PAPLN: variants seen among roughly 807,000 people sequenced by gnomAD.
PAPLN encodes papilin.
PAPLN carries 146 observed loss-of-function variants against 159.0 expected under a neutral mutation model. The observed-to-expected ratio is 0.92, with a 90% CI of 0.80 to 1.05. The LOEUF (loss-of-function observed/expected upper bound fraction) is 1.05. Ranked by LOEUF, PAPLN falls within the 50% of genes least tolerant of loss-of-function variation. The pLI is 0.00. For missense variants in PAPLN, 1,720 were observed against 1,743.9 expected, an observed-to-expected ratio of 0.99 and a Z score of 0.24; for synonymous variants, 734 against 702.9, an observed-to-expected ratio of 1.04 and a Z score of -0.70.
chr14:73,251,563 C>A lies in PAPLN; in HGVS notation c.667C>A (p.Leu223Met). 1 of 1,613,014 alleles carries A rather than the reference C, an allele frequency of 6.2e-7. No individual in the cohort carries two copies. Among genetic ancestry groups the A allele is most frequent in the South Asian group, 1.1e-5 (1 of 91,086 alleles). Residue 223 changes from leucine (L) to methionine (M), a missense_variant, in exon 8 of 27, where the codon CTG becomes ATG. Physicochemically the swap from Leu to Met is conservative, Grantham distance 15. Transcript: ENST00000644200. ...IDEAAASRNF[L>M]AVKNVRGEYY... ...CGAGGCTGCTGCCAGCAGGAACTTC[C>A]TGGGTGAGAGCCTAGGGTTAGGTCC...
intron 15 of PAPLN, 52 bp downstream of exon 15, chr14:73,259,111 A>G: frequency 6.4e-7 from 1 of 1,571,076 alleles, no homozygotes; most frequent in South Asian, 1.2e-5. Flanking sequence ...TTTGTGTCTG[A>G]GTGGATGGTA....
At chr14:73,242,850 G>A (rs540856235) in intron 2 of PAPLN, 3 of 152,346 alleles carry the variant, frequency 2.0e-5, no homozygotes, top group African/African-American at 7.2e-5. Context: ...TGCGTGGTTT[G>A]TTCTGCTTCA....
intron 5 of PAPLN, among the ~76,000 whole-genome samples, chr14:73,248,830 GA>G (rs953605371): frequency 6.8e-5 from 10 of 147,898 alleles, no homozygotes; most frequent in South Asian, 2.1e-4. Flanking sequence ...TCCAAAAGAA[GA>G]AAAAAAAATT....
In PAPLN at chr14:73,239,461, T is replaced by G. The variant is rs1145949; in HGVS notation, c.-6-312T>G. ...GAGTCTAATTACTCGGATTCTGAAC[T>G]TGTTTTTCAACCACATAGAAGTATT... On this transcript the variant is annotated intron_variant, in intron 1 of 26. Coordinates refer to ENST00000644200, the MANE Select transcript of PAPLN (RefSeq NM_001365906.3). Among the ~76,000 whole-genome samples, 1,238 of 152,398 alleles carry G rather than the reference T, an allele frequency of 8.1e-3. 8 individuals carry two copies. The highest frequency in any genetic ancestry group is 0.031 in the Middle Eastern group (9 of 294).
At chr14:73,262,205 G>T in intron 18 of PAPLN, 145 bp from the exon 19 acceptor site, 1 of 826,262 alleles carries the variant, frequency 1.2e-6, no homozygotes, top group Non-Finnish European at 1.9e-6. Context: ...TGGATCCCAG[G>T]GCCAGGTCAG....
intron 1 of PAPLN, among the ~76,000 whole-genome samples, chr14:73,239,456 T>TG (rs1364060898): frequency 6.6e-6 from 1 of 152,278 alleles, no homozygotes; most frequent in African/African-American, 2.4e-5. Context: ...ACTCGGATTC[T>TG]GAACTTGTTT....
Position 73,245,348 on chromosome 14 carries a change from T to G in PAPLN, c.171-288T>G, listed in dbSNP as rs1293216740. ...GTGCCAAGCGGGTGGGTATTATATC[T>G]CATGCACCTCGGGTCTTCTCTGGGA... On this transcript the variant is annotated intron_variant, in intron 3 of 26. Transcript: ENST00000644200. The surrounding 1 kb of genome is among the most constrained non-coding windows in gnomAD (Gnocchi z 4.2). 2 of 466,134 alleles carry G rather than the reference T, an allele frequency of 4.3e-6. No homozygotes were observed. Among genetic ancestry groups the G allele is most frequent in the Non-Finnish European group, 7.8e-6 (2 of 255,954 alleles). The allele number at this position is 466,134 out of a possible 1,614,324, so 28.9% of individuals were successfully genotyped here. A position where few individuals can be genotyped will look rare whatever the true frequency, so the allele number is the denominator to read the frequency against.
chr14:73,247,642 C>T (rs1884572003), intron 5 of PAPLN, among the ~76,000 whole-genome samples: 1 of 140,358 alleles, frequency 7.1e-6, no homozygotes, highest in Non-Finnish European at 1.5e-5. Context: ...CAGTGGGAGT[C>T]TCTTATCCTG....
chr14:73,260,507 C>G (rs1353050772), intron 16 of PAPLN, among the ~76,000 whole-genome samples: 3 of 151,726 alleles, frequency 2.0e-5, no homozygotes, highest in Admixed American at 1.3e-4. Context: ...GCTGCCCTCC[C>G]TGGTAGCTGC....
chr14:73,251,657 T>C lies in PAPLN; in HGVS notation c.671-7T>C. 1 of 1,613,552 alleles carries C rather than the reference T, an allele frequency of 6.2e-7. No homozygotes were observed. Among genetic ancestry groups the C allele is most frequent in the Non-Finnish European group, 8.5e-7 (1 of 1,180,010 alleles). Reference sequence around the variant, plus strand: ...TCTGGCTGACTGAGGCGGTCTCCTCTGCGCAGCTGTGAAGAATGTTCGTGG... The same window carrying C: ...TCTGGCTGACTGAGGCGGTCTCCTCCGCGCAGCTGTGAAGAATGTTCGTGG... On this transcript the variant is annotated splice_region_variant and splice_polypyrimidine_tract_variant and intron_variant, in intron 8 of 26. Transcript: ENST00000644200.
intron 14 of PAPLN, among the ~76,000 whole-genome samples, chr14:73,256,883 C>T (rs935279927): frequency 4.7e-5 from 7 of 150,528 alleles, no homozygotes; most frequent in African/African-American, 1.5e-4. Flanking sequence ...GATTCTATCT[C>T]AAAAATAAAA....
chr14:73,271,545 A>G (rs925364709), intron 26 of PAPLN, among the ~76,000 whole-genome samples: 1 of 151,484 alleles, frequency 6.6e-6, no homozygotes, highest in Non-Finnish European at 1.5e-5. Flanking sequence ...TCTGTCACCC[A>G]GGCTGGAGTG....
At position 73,265,244 on chromosome 14, in the gene PAPLN, G is replaced by T. The variant is rs1594829230; in HGVS notation, c.3126-126G>T. On this transcript the variant is annotated intron_variant, in intron 22 of 26. Coordinates refer to ENST00000644200, the MANE Select transcript of PAPLN (RefSeq NM_001365906.3). This position sits in a 1 kb window ranked among gnomAD's most constrained non-coding sequence, Gnocchi z 4.1. The stretch of plus-strand genomic sequence containing the variant: ...CATTTCCTAACCAGAACAAGGCAGG[G>T]GATTTTAGGAAGCTGAATCTGGCTG... The T allele has an allele frequency of 6.9e-7, 1 of 1,442,542 alleles. No homozygotes were observed. The highest frequency in any genetic ancestry group is 1.3e-5 in the South Asian group (1 of 74,638). The allele number at this position is 1,442,542 out of a possible 1,614,324, so 89.4% of individuals were successfully genotyped here.
chr14:73,258,865 A>T, intron 14 of PAPLN, 114 bp from the exon 15 acceptor site: 1 of 981,938 alleles, frequency 1.0e-6, no homozygotes, highest in Non-Finnish European at 1.4e-6. Flanking sequence ...TCGGGTTCCC[A>T]GGCCCTGCCT....
intron 5 of PAPLN, 71 bp from the exon 6 acceptor site, chr14:73,249,913 G>C (rs759196392): frequency 2.0e-6 from 3 of 1,488,996 alleles, no homozygotes; most frequent in Admixed American, 2.2e-5. Context: ...TGTTGCTAGG[G>C]TAAGCCTTGG....
chr14:73,236,505 C>T (rs544852575), upstream of PAPLN, among the ~76,000 whole-genome samples: 27 of 152,016 alleles, frequency 1.8e-4, no homozygotes, highest in Non-Finnish European at 3.7e-4. Context: ...TTGGGCGAGA[C>T]CTTGTTTCTA....
rs1191957868 is a variant in PAPLN, at chr14:73,245,389, AG to A, written c.171-246del. The stretch of plus-strand genomic sequence containing the variant: ...TTCTCTGGGAATCTGCCTAAGATGC[AG>A]TGGAGTGGTCCCGCCTTAAATCCAA... On this transcript the variant is annotated intron_variant, in intron 3 of 26. Coordinates refer to ENST00000644200, the MANE Select transcript of PAPLN (RefSeq NM_001365906.3). This position sits in a 1 kb window ranked among gnomAD's most constrained non-coding sequence, Gnocchi z 4.2. 9.2e-6 allele frequency: 5 copies of A among 540,784 alleles called. No homozygotes were observed. The highest frequency in any genetic ancestry group is 3.3e-5 in the Admixed American group (1 of 30,624). 33.5% of individuals were successfully genotyped at this position (540,784 alleles called of 1,614,324 possible).
At position 73,272,592 on chromosome 14, in the gene PAPLN, TG is replaced by T; in HGVS notation, c.3766del (p.Glu1256SerfsTer28). The T allele has an allele frequency of 6.2e-7, 1 of 1,605,070 alleles. No individual in the cohort carries two copies. On this transcript the variant is annotated frameshift_variant, in exon 27 of 27. Coordinates refer to ENST00000644200, the MANE Select transcript of PAPLN (RefSeq NM_001365906.3). LOFTEE classifies it high-confidence loss of function. ...LILQAQLCGN[E>X]YYSSFCCASC... ...TCCTGCAGGCCCAGCTTTGTGGCAA[TG>T]AGTATTACTCCAGCTTCTGCTGTGC...
In PAPLN at chr14:73,272,586, T is replaced by C; in HGVS notation, c.3759T>C (p.Cys1253=). ...ATTTGATCCTGCAGGCCCAGCTTTG[T>C]GGCAATGAGTATTACTCCAGCTTCT... ...NCDLILQAQL[C]GNEYYSSFCC... is the part of the protein sequence containing the mutation. The change falls in exon 27 of 27, where the codon TGT becomes TGC. Residue 1253 remains cysteine, a synonymous_variant. Transcript: ENST00000644200. 6.2e-7 allele frequency: 1 copy of C among 1,605,246 alleles called. No homozygotes were observed. The highest frequency in any genetic ancestry group is 8.5e-7 in the Non-Finnish European group (1 of 1,172,610).
Sources: allele counts gnomAD v4.1 joint callset (sites outside exome capture counted in the v4.1 genomes callset), GRCh38; gene constraint gnomAD v4.1.1; non-coding constraint Gnocchi (gnomAD v3.1); transcripts MANE v1.5; gene names NCBI Gene and HGNC (gene_info 2026-07-23, HGNC 2026-07-21).